Variants in SECISBP2 observed in about 807,000 individuals in gnomAD.
SECISBP2 encodes the protein selenocysteine insertion sequence-binding protein 2.
A neutral mutation model predicts 98.2 loss-of-function variants in SECISBP2; 96 were observed. The observed-to-expected ratio is 0.98, with a 90% CI of 0.83 to 1.16. The LOEUF is 1.16. Ranked by LOEUF, SECISBP2 falls within the 50% of genes most tolerant of loss-of-function variation. The pLI is 0.00. For missense variants in SECISBP2, 1,046 were observed against 1,022.9 expected (o/e 1.02, Z -0.31); for synonymous variants, 407 against 370.2 (o/e 1.10, Z -1.14).
At chr9:89,362,257 GTGGCCCAA>G, downstream of SECISBP2, 1 of 1,390,554 alleles carries the variant, frequency 7.2e-7, no homozygotes, top group African/African-American at 1.4e-5. Flanking sequence ...CCATCAGGTG[GTGGCCCAA>G]TGGCTGTGTT....
At chr9:89,347,462 ATTCT>A (rs1163965216) in intron 11 of SECISBP2, among the ~76,000 whole-genome samples, 2 of 132,284 alleles carry the variant, frequency 1.5e-5, no homozygotes, top group African/African-American at 2.7e-5. Flanking sequence ...CCTCCGGTGA[ATTCT>A]TTTTTTTTTT....
At chr9:89,337,911 T>C (rs1829032244) in intron 7 of SECISBP2, among the ~76,000 whole-genome samples, 2 of 152,200 alleles carry the variant, frequency 1.3e-5, no homozygotes, top group African/African-American at 2.4e-5. Context: ...AGCCAAATTC[T>C]AGTGAAGGGG....
intron 7 of SECISBP2, among the ~76,000 whole-genome samples, chr9:89,334,941 G>A (rs1373024248): frequency 2.0e-5 from 3 of 152,210 alleles, no homozygotes; most frequent in Non-Finnish European, 4.4e-5. Flanking sequence ...CGGGCCGGGT[G>A]CGGTGGCTTA....
At chr9:89,322,368 C>T (rs142597727) in intron 2 of SECISBP2, 1 of 152,354 alleles carries the variant, frequency 6.6e-6, no homozygotes, top group East Asian at 1.9e-4. Flanking sequence ...GTGAAAAATC[C>T]TGTGCAACCT....
At chr9:89,333,578 C>A (rs1828116976) in intron 6 of SECISBP2, among the ~76,000 whole-genome samples, 3 of 152,126 alleles carry the variant, frequency 2.0e-5, no homozygotes, top group African/African-American at 7.2e-5. Flanking sequence ...GGAAGACTCC[C>A]AGGTGTTCTC....
At position 89,338,473 on chromosome 9, in the gene SECISBP2, G is replaced by A; in HGVS notation, c.1105G>A (p.Gly369Ser). 2 of 1,613,390 alleles carry A rather than the reference G, an allele frequency of 1.2e-6. No individual in the cohort carries two copies. The highest frequency in any genetic ancestry group is 8.5e-7 in the Non-Finnish European group (1 of 1,179,884). Residue 369 changes from glycine to serine, a missense_variant, in exon 8 of 17, where the codon GGT becomes AGT. Physicochemically the swap from Gly to Ser is moderately conservative, Grantham distance 56 (BLOSUM62 0). Coordinates refer to ENST00000375807, the MANE Select transcript of SECISBP2 (RefSeq NM_024077.5). ...TCTGTTCTAGTCTAAAGCATCACAA[G>A]GTAGTGACCTTGAACAAAATGAAGC... ...HPTQKSKASQ[G>S]SDLEQNEASR... is the part of the protein sequence containing the mutation.
downstream of SECISBP2, chr9:89,362,407 G>C: frequency 6.2e-7 from 1 of 1,614,058 alleles, no homozygotes. Flanking sequence ...GGTGGCTACA[G>C]GGTGTCCTTG....
chr9:89,352,480 T>C (rs1831434567), intron 14 of SECISBP2, among the ~76,000 whole-genome samples: 1 of 152,222 alleles, frequency 6.6e-6, no homozygotes, highest in African/African-American at 2.4e-5. Flanking sequence ...AGACTCTGAT[T>C]CTTGATCCTT....
intron 7 of SECISBP2, among the ~76,000 whole-genome samples, chr9:89,334,944 G>A (rs1828378350): frequency 6.6e-6 from 1 of 152,210 alleles, no homozygotes; most frequent in African/African-American, 2.4e-5. Flanking sequence ...GCCGGGTGCG[G>A]TGGCTTACGC....
chr9:89,341,401 G>A lies in SECISBP2; in HGVS notation c.1357G>A (p.Gly453Arg). ...CCAGCTTCCAGTGCAGTTGGACTTG[G>A]GGGGCATGCTGACAGCCCTGGAGAA... ...KSQLPVQLDL[G>R]GMLTALEKKQ... The change falls in exon 10 of 17, where the codon GGG (glycine) becomes AGG (arginine). Residue 453 changes from glycine to arginine, a missense_variant. Transcript: ENST00000375807. 1 of 1,613,980 alleles carries A rather than the reference G, an allele frequency of 6.2e-7. No individual in the cohort carries two copies. The highest frequency in any genetic ancestry group is 8.5e-7 in the Non-Finnish European group (1 of 1,179,922).
In SECISBP2 at chr9:89,346,752, G is replaced by A. The variant is rs532487550; in HGVS notation, c.1436-130G>A. ...GTTCTCAAAGATGAGAAGGGTTGTG[G>A]GGACAAGCTGGGGGTGACTTGGCAA... On this transcript the variant is annotated intron_variant, in intron 10 of 16. Transcript: ENST00000375807. 9.9e-6 allele frequency: 9 copies of A among 907,012 alleles called. No homozygotes were observed. The African/African-American group carries it at 1.1e-4, about 11-fold the overall frequency. 56.2% of individuals were successfully genotyped at this position (907,012 alleles called of 1,614,324 possible).
At chr9:89,362,076 C>T (rs535576136), downstream of SECISBP2, 57 of 519,864 alleles carry the variant, frequency 1.1e-4, no homozygotes, top group South Asian at 1.2e-3. Flanking sequence ...GGAACCTGCA[C>T]ACACCCTGCT....
At chr9:89,339,653 T>C (rs1481112774) in intron 8 of SECISBP2, among the ~76,000 whole-genome samples, 2 of 152,010 alleles carry the variant, frequency 1.3e-5, no homozygotes, top group Admixed American at 1.3e-4. Context: ...GGTGACACTC[T>C]TTTTTTTGGG....
intron 7 of SECISBP2, among the ~76,000 whole-genome samples, chr9:89,335,084 C>T (rs892327985): frequency 1.3e-5 from 2 of 151,562 alleles, no homozygotes; most frequent in Admixed American, 6.6e-5. Context: ...GGCATGGTGG[C>T]GGGTGCCTGT....
chr9:89,335,820 G>C (rs1300312080), intron 7 of SECISBP2, among the ~76,000 whole-genome samples: 1 of 152,184 alleles, frequency 6.6e-6, no homozygotes, highest in Non-Finnish European at 1.5e-5. Flanking sequence ...TAAAATATCT[G>C]TGAGCCATTT....
At chr9:89,331,031 A>G (rs1012400532) in intron 5 of SECISBP2, among the ~76,000 whole-genome samples, 8 of 152,230 alleles carry the variant, frequency 5.3e-5, no homozygotes, top group African/African-American at 1.9e-4. Context: ...TTTTCCTTCT[A>G]AAAGAAACTT....
intron 10 of SECISBP2, among the ~76,000 whole-genome samples, chr9:89,343,397 TA>T (rs1226110667): frequency 6.6e-6 from 1 of 152,178 alleles, no homozygotes; most frequent in Non-Finnish European, 1.5e-5. Flanking sequence ...AGGTTTGTTA[TA>T]TAGGTAAACT....
intron 16 of SECISBP2, 151 bp downstream of exon 16, chr9:89,358,342 T>C (rs1672599747): frequency 4.9e-6 from 4 of 820,752 alleles, no homozygotes; most frequent in Middle Eastern, 3.3e-4. Context: ...AGAGGTATTA[T>C]CAGACTTTTG....
In SECISBP2 at chr9:89,325,417, T is replaced by G. The variant is rs921073040; in HGVS notation, c.183-10T>G. On this transcript the variant is annotated splice_polypyrimidine_tract_variant and intron_variant, in intron 2 of 16. Transcript: ENST00000375807. ...GAAATCTGCAACTAAAGTTTACACT[T>G]TTTACTTAGGCAGAAAATATATACT... is the stretch of plus-strand genomic sequence containing the variant. 1 of 1,613,516 alleles carries G rather than the reference T, an allele frequency of 6.2e-7. No homozygotes were observed. The highest frequency in any genetic ancestry group is 1.3e-5 in the African/African-American group (1 of 74,924).
Sources: gnomAD v4.1 joint callset for allele counts (sites outside exome capture counted in the v4.1 genomes callset) on GRCh38, gnomAD v4.1.1 for gene constraint, MANE v1.5 for transcripts, NCBI Gene and HGNC (gene_info 2026-07-23, HGNC 2026-07-21) for gene names.